Variants in IL1RL2 observed in about 807,000 individuals in gnomAD.
The protein encoded by IL1RL2 is interleukin-1 receptor-like 2.
A neutral mutation model predicts 66.8 loss-of-function variants in IL1RL2; 68 were observed. That is an observed-to-expected ratio of 1.02 (90% confidence interval 0.84 to 1.25). IL1RL2 has a LOEUF of 1.25. Among genes scored for constraint, IL1RL2 ranks in the 50% most tolerant of loss-of-function variants. The pLI is 0.00. For synonymous variants in IL1RL2, 305 were observed against 264.6 expected (o/e 1.15, Z -1.48); for missense variants, 729 against 709.3 (o/e 1.03, Z -0.32).
At chr2:102,195,629 C>CTTTCTT (rs1379287788) in intron 4 of IL1RL2, among the ~76,000 whole-genome samples, 175 of 17,230 alleles carry the variant, frequency 0.01, no homozygotes, top group Middle Eastern at 0.033. Flanking sequence ...TTCTTTCTTT[C>CTTTCTT]TCTCTCTCTC....
chr2:102,226,853 G>A lies in IL1RL2; in HGVS notation c.1135+812G>A, dbSNP rs185336629. 1.4e-4 allele frequency among the ~76,000 whole-genome samples: 22 copies of A among 152,298 alleles called. No individual in the cohort carries two copies. The East Asian group carries it at 4.1e-3, about 28-fold the overall frequency. ...TGATTAAATCCTGCTTTTTGACAGT[G>A]GGAATAACTGAGTTGAAGTACAGGG... On this transcript the variant is annotated intron_variant, in intron 9 of 11. Coordinates refer to ENST00000264257, the MANE Select transcript of IL1RL2 (RefSeq NM_003854.4).
At chr2:102,190,213 G>T (rs954402861) in intron 3 of IL1RL2, among the ~76,000 whole-genome samples, 4 of 152,162 alleles carry the variant, frequency 2.6e-5, no homozygotes, top group South Asian at 2.1e-4. Context: ...ACTTTTCAAG[G>T]GAATATGGAA....
At chr2:102,204,557 G>A (rs569871419) in intron 5 of IL1RL2, among the ~76,000 whole-genome samples, 1 of 152,054 alleles carries the variant, frequency 6.6e-6, no homozygotes, top group East Asian at 1.9e-4. Context: ...TTATATCTGA[G>A]TGCTTCAGTG....
chr2:102,196,808 T>C (rs1017370402), intron 4 of IL1RL2, among the ~76,000 whole-genome samples: 2 of 152,134 alleles, frequency 1.3e-5, no homozygotes, highest in African/African-American at 2.4e-5. Context: ...GGTTAGAGTT[T>C]AGGGCACATG....
At chr2:102,213,764 C>G (rs1689380085) in intron 6 of IL1RL2, among the ~76,000 whole-genome samples, 1 of 151,746 alleles carries the variant, frequency 6.6e-6, no homozygotes, top group Admixed American at 6.6e-5. Flanking sequence ...ATAAAAGGAC[C>G]AACTAAACAA....
At chr2:102,200,617 A>T (rs17026782) in intron 4 of IL1RL2, among the ~76,000 whole-genome samples, 1 of 152,120 alleles carries the variant, frequency 6.6e-6, no homozygotes. Context: ...GAACAAATGG[A>T]CTCAATTAGC....
intron 6 of IL1RL2, among the ~76,000 whole-genome samples, chr2:102,213,732 A>G (rs1454876398): frequency 1.3e-5 from 2 of 152,218 alleles, no homozygotes; most frequent in Admixed American, 6.5e-5. Flanking sequence ...TAATTAAAAT[A>G]TACAACTAAC....
intron 6 of IL1RL2, among the ~76,000 whole-genome samples, chr2:102,214,603 T>A (rs2104812369): frequency 6.6e-6 from 1 of 152,266 alleles, no homozygotes; most frequent in Non-Finnish European, 1.5e-5. Flanking sequence ...CACTCAGTAT[T>A]AAAAATGTTA....
chr2:102,198,669 T>C (rs958634346), intron 4 of IL1RL2, among the ~76,000 whole-genome samples: 7 of 152,234 alleles, frequency 4.6e-5, no homozygotes, highest in African/African-American at 1.7e-4. Flanking sequence ...TTTATTTTTT[T>C]CTGGTGCTTC....
intron 8 of IL1RL2, among the ~76,000 whole-genome samples, chr2:102,225,670 G>A (rs557265656): frequency 1.2e-4 from 19 of 152,238 alleles, no homozygotes; most frequent in African/African-American, 4.3e-4. Context: ...ACTCGTATAA[G>A]TTCCCAGGAG....
chr2:102,190,186 G>A lies in IL1RL2; in HGVS notation c.293+876G>A, dbSNP rs1687112103. ...CCCTCAAAGGTAGCTGTCTATTCAG[G>A]TCAAGCCCATCTTCTCACTTTTCAA... On this transcript the variant is annotated intron_variant, in intron 3 of 11. Transcript: ENST00000264257. 2.0e-5 allele frequency among the ~76,000 whole-genome samples: 3 copies of A among 152,180 alleles called. No individual in the cohort carries two copies. In the South Asian group the frequency reaches 6.2e-4, roughly 31 times the overall value.
chr2:102,192,251 TA>T, intron 4 of IL1RL2, 131 bp downstream of exon 4: 1 of 554,950 alleles, frequency 1.8e-6, no homozygotes, highest in Non-Finnish European at 3.1e-6. Context: ...ATTAGTTAGC[TA>T]GCAGTCATTG....
chr2:102,199,238 C>G (rs932159416), intron 4 of IL1RL2, among the ~76,000 whole-genome samples: 1 of 152,166 alleles, frequency 6.6e-6, no homozygotes, highest in African/African-American at 2.4e-5. Context: ...CTATTTTAAT[C>G]CTTTAAACTA....
chr2:102,232,608 G>A (rs1459528361), intron 9 of IL1RL2, among the ~76,000 whole-genome samples: 1 of 152,196 alleles, frequency 6.6e-6, no homozygotes, highest in Admixed American at 6.5e-5. Flanking sequence ...GCACCACTGC[G>A]CTGGACGAGT....
intron 8 of IL1RL2, among the ~76,000 whole-genome samples, chr2:102,220,511 A>G (rs529173862): frequency 2.0e-4 from 31 of 152,332 alleles, no homozygotes; most frequent in East Asian, 1.2e-3. Context: ...CTAATTGATT[A>G]TGCATTGGAA....
chr2:102,223,159 G>A (rs1690290354), intron 8 of IL1RL2, among the ~76,000 whole-genome samples: 1 of 152,190 alleles, frequency 6.6e-6, no homozygotes, highest in Non-Finnish European at 1.5e-5. Context: ...TATCTCAAAT[G>A]TAGAGTATTT....
chr2:102,225,361 C>T (rs1337105381), intron 8 of IL1RL2, among the ~76,000 whole-genome samples: 3 of 152,240 alleles, frequency 2.0e-5, no homozygotes, highest in Admixed American at 1.3e-4. Flanking sequence ...GGCTCTTGGC[C>T]TGTCTTGTGG....
rs755964780 is a variant in IL1RL2, at chr2:102,218,973, T to C, written c.745T>C (p.Cys249Arg). 2.5e-6 allele frequency: 4 copies of C among 1,613,336 alleles called. No homozygotes were observed. In the South Asian group the frequency reaches 3.3e-5, roughly 13 times the overall value. Residue 249 changes from cysteine to arginine, a missense_variant, in exon 7 of 12, where the codon TGC becomes CGC. Coordinates refer to ENST00000264257, the MANE Select transcript of IL1RL2 (RefSeq NM_003854.4). Reference sequence around the variant, plus strand: ...TTTAGGTACCACTCTGATTGTGGACTGCAATGTAACAGACACCAAGGATAA... The same window carrying C: ...TTTAGGTACCACTCTGATTGTGGACCGCAATGTAACAGACACCAAGGATAA... ...VQLGTTLIVD[C>R]NVTDTKDNTN... is the part of the protein sequence containing the mutation.
At chr2:102,197,393 C>A (rs1487981710) in intron 4 of IL1RL2, among the ~76,000 whole-genome samples, 3 of 152,060 alleles carry the variant, frequency 2.0e-5, no homozygotes, top group African/African-American at 7.2e-5. Flanking sequence ...GGAAATGATA[C>A]CTGAAAGAGC....
Sources: gnomAD v4.1 joint callset for allele counts (sites outside exome capture counted in the v4.1 genomes callset) on GRCh38, gnomAD v4.1.1 for gene constraint, MANE v1.5 for transcripts, NCBI Gene and HGNC (gene_info 2026-07-23, HGNC 2026-07-21) for gene names.